Variants in GALNT11 observed in about 807,000 individuals in gnomAD.
GALNT11 encodes polypeptide N-acetylgalactosaminyltransferase 11.
A neutral mutation model predicts 72.7 loss-of-function variants in GALNT11; 47 were observed. That is an observed-to-expected ratio of 0.65 (90% CI 0.51 to 0.82). The LOEUF is 0.82. Ranked by LOEUF, GALNT11 falls within the 40% of genes least tolerant of loss-of-function variation. The pLI is 0.00. For missense variants in GALNT11, 677 were observed against 778.4 expected (o/e 0.87, Z 1.55); for synonymous variants, 270 against 286.6 (o/e 0.94, Z 0.58).
intron 2 of GALNT11, among the ~76,000 whole-genome samples, chr7:152,096,714 CAAAAA>C (rs768326363): frequency 3.3e-5 from 2 of 60,096 alleles, no homozygotes; most frequent in East Asian, 5.4e-4. Flanking sequence ...GACTCTGTCT[CAAAAA>C]AAAAAAAAAA....
chr7:152,102,067 G>A (rs1420384784), intron 3 of GALNT11, among the ~76,000 whole-genome samples: 1 of 151,476 alleles, frequency 6.6e-6, no homozygotes, highest in Non-Finnish European at 1.5e-5. Flanking sequence ...TTTATTATTG[G>A]GCAAAAAAAT....
intron 1 of GALNT11, among the ~76,000 whole-genome samples, chr7:152,081,647 A>G (rs779957691): frequency 6.6e-6 from 1 of 152,150 alleles, no homozygotes. Context: ...GCTACTCTTC[A>G]CCTGCAAAGA....
intron 1 of GALNT11, among the ~76,000 whole-genome samples, chr7:152,088,907 G>A (rs537724359): frequency 7.9e-5 from 12 of 152,154 alleles, no homozygotes; most frequent in East Asian, 3.9e-4. Flanking sequence ...TCTCATTGTC[G>A]TCTTATTTGT....
At chr7:152,116,376 A>G (rs1306241503) in intron 8 of GALNT11, among the ~76,000 whole-genome samples, 1 of 152,074 alleles carries the variant, frequency 6.6e-6, no homozygotes, top group Non-Finnish European at 1.5e-5. Flanking sequence ...TCGGCCCCCA[A>G]GGAGCATGCG....
chr7:152,108,996 ATGT>A (rs1563077883), intron 6 of GALNT11, among the ~76,000 whole-genome samples: 1 of 148,502 alleles, frequency 6.7e-6, no homozygotes, highest in African/African-American at 2.6e-5. Flanking sequence ...TATTGTTATT[ATGT>A]TGTTATCGTT....
intron 2 of GALNT11, among the ~76,000 whole-genome samples, chr7:152,098,064 T>C (rs2086509671): frequency 1.3e-5 from 2 of 152,150 alleles, no homozygotes. Flanking sequence ...TAGAAGGAAT[T>C]AGTATAAATA....
chr7:152,114,518 A>G (rs1318036239), intron 8 of GALNT11, among the ~76,000 whole-genome samples: 1 of 150,016 alleles, frequency 6.7e-6, no homozygotes, highest in African/African-American at 2.5e-5. Context: ...AACAGACCAC[A>G]TTTTACTTTA....
At chr7:152,100,045 C>T (rs541249813) in intron 2 of GALNT11, among the ~76,000 whole-genome samples, 2 of 148,014 alleles carry the variant, frequency 1.4e-5, no homozygotes, top group South Asian at 2.3e-4. Context: ...TCCCAAAGTG[C>T]TGGGATCACA....
At chr7:152,055,885 T>C (rs2083651971) in intron 1 of GALNT11, among the ~76,000 whole-genome samples, 1 of 152,154 alleles carries the variant, frequency 6.6e-6, no homozygotes, top group Non-Finnish European at 1.5e-5. Flanking sequence ...AGATCTTGTG[T>C]ACCCTTTACC....
chr7:152,031,217 C>A (rs982233496), intron 1 of GALNT11, among the ~76,000 whole-genome samples: 1 of 152,176 alleles, frequency 6.6e-6, no homozygotes, highest in African/African-American at 2.4e-5. Flanking sequence ...CATAACCTGC[C>A]CTTCGTATCC....
Position 152,103,294 on chromosome 7 carries a change from C to G in GALNT11, c.586+16C>G. The G allele has an allele frequency of 1.2e-6, 2 of 1,607,852 alleles. No homozygotes were observed. ...AGTGACTTTGGTAAGGAATGCTGCA[C>G]CTGGTAACATTGGATCCAGGCTGTC... On this transcript the variant is annotated intron_variant, in intron 4 of 11. Coordinates refer to ENST00000430044, the MANE Select transcript of GALNT11 (RefSeq NM_022087.4).
intron 1 of GALNT11, chr7:152,093,963 C>G (rs1239401492): frequency 2.7e-6 from 1 of 370,008 alleles, no homozygotes; most frequent in Non-Finnish European, 4.8e-6. Context: ...AATCAGTCAG[C>G]TATTTCACTG....
At chr7:152,028,842 G>C (rs1364667507) in intron 1 of GALNT11, among the ~76,000 whole-genome samples, 3 of 152,210 alleles carry the variant, frequency 2.0e-5, no homozygotes, top group Non-Finnish European at 2.9e-5. Flanking sequence ...TTGGTCCAGG[G>C]GTCCTGGTAG....
At chr7:152,068,861 A>G (rs965110252) in intron 1 of GALNT11, among the ~76,000 whole-genome samples, 6 of 149,010 alleles carry the variant, frequency 4.0e-5, no homozygotes, top group African/African-American at 1.5e-4. Context: ...TTTCCTTTTT[A>G]TTTTTAATTT....
chr7:152,096,383 C>T (rs551509706), intron 2 of GALNT11, among the ~76,000 whole-genome samples: 8 of 152,134 alleles, frequency 5.3e-5, no homozygotes, highest in African/African-American at 1.9e-4. Context: ...TGGACTACAT[C>T]AAAAACAAAA....
chr7:152,067,611 C>G (rs1255521014), intron 1 of GALNT11, among the ~76,000 whole-genome samples: 1 of 152,164 alleles, frequency 6.6e-6, no homozygotes, highest in Non-Finnish European at 1.5e-5. Context: ...TTGAGCACTT[C>G]CTTATTTTCT....
intron 1 of GALNT11, among the ~76,000 whole-genome samples, chr7:152,071,428 C>T (rs573582080): frequency 2.6e-5 from 4 of 152,306 alleles, no homozygotes; most frequent in South Asian, 4.1e-4. Context: ...CCCGGCTCAC[C>T]GGCGGTCAGA....
intron 1 of GALNT11, chr7:152,093,943 T>C: frequency 3.0e-6 from 1 of 334,374 alleles, no homozygotes; most frequent in Non-Finnish European, 5.4e-6. Context: ...TCCATTAACA[T>C]GGGCAAATGA....
rs181964378 is a variant in GALNT11, at chr7:152,047,237, G to A, written c.-39+21353G>A. ...TGTAATCCCAGCACTTTGGTAGGCC[G>A]AGGCTGGGGGATCATTTGAGGTCAG... is the stretch of plus-strand genomic sequence containing the variant. On this transcript the variant is annotated intron_variant, in intron 1 of 11. Transcript: ENST00000430044. Among the ~76,000 whole-genome samples, 422 of 152,204 alleles carry A rather than the reference G, an allele frequency of 2.8e-3. 1 individual carries two copies. The highest frequency in any genetic ancestry group is 9.7e-3 in the African/African-American group (404 of 41,518).
Sources: allele counts gnomAD v4.1 joint callset (sites outside exome capture counted in the v4.1 genomes callset), GRCh38; gene constraint gnomAD v4.1.1; transcripts MANE v1.5; gene names NCBI Gene and HGNC (gene_info 2026-07-23, HGNC 2026-07-21).